Variants in GPC6 observed in about 807,000 individuals in gnomAD.
GPC6 encodes the protein glypican 6.
Under a neutral mutation model 55.2 loss-of-function variants are expected in GPC6, and 14 were observed. The observed-to-expected ratio is 0.25, with a 90% CI of 0.17 to 0.40. The LOEUF (loss-of-function observed/expected upper bound fraction) is 0.40, where lower values mean the gene tolerates loss of function less well. GPC6 is among the 10% of genes least tolerant of loss of function. The pLI, the probability that GPC6 is intolerant of heterozygous loss-of-function variation, is 1.00. For missense variants in GPC6, 641 were observed against 708.5 expected (o/e 0.90, Z 1.08); for synonymous variants, 278 against 259.6 (o/e 1.07, Z -0.68).
chr13:93,756,132 G>A (rs1378762172), intron 2 of GPC6, among the ~76,000 whole-genome samples: 1 of 152,130 alleles, frequency 6.6e-6, no homozygotes, highest in East Asian at 1.9e-4. Flanking sequence ...GTGTCCATGA[G>A]AATCATCACT....
At chr13:93,476,835 T>C (rs1879319625) in intron 1 of GPC6, among the ~76,000 whole-genome samples, 1 of 152,174 alleles carries the variant, frequency 6.6e-6, no homozygotes, top group African/African-American at 2.4e-5. Context: ...ATGATTAAAA[T>C]ATGCTATGTA....
intron 1 of GPC6, among the ~76,000 whole-genome samples, chr13:93,320,763 A>G (rs758776209): frequency 2.0e-5 from 3 of 152,154 alleles, no homozygotes; most frequent in Admixed American, 6.6e-5. Flanking sequence ...TTAAACTGCA[A>G]AAGAAAATTC....
chr13:93,580,852 T>A (rs935243927), intron 2 of GPC6, among the ~76,000 whole-genome samples: 3 of 152,174 alleles, frequency 2.0e-5, no homozygotes, highest in Admixed American at 1.3e-4. Flanking sequence ...TAAATATCAT[T>A]CCAGCCAGCA....
intron 1 of GPC6, among the ~76,000 whole-genome samples, chr13:93,496,148 T>A (rs1880265135): frequency 6.6e-6 from 1 of 152,128 alleles, no homozygotes; most frequent in Non-Finnish European, 1.5e-5. Context: ...CAGTTTGATC[T>A]CAGACTGCTG....
chr13:94,175,949 T>G (rs757341695), intron 4 of GPC6, among the ~76,000 whole-genome samples: 69 of 105,958 alleles, frequency 6.5e-4, no homozygotes, highest in South Asian at 1.2e-3. Context: ...TATATATATA[T>G]ATATATAGAG....
chr13:93,871,257 A>C (rs892822070), intron 3 of GPC6, among the ~76,000 whole-genome samples: 2 of 151,974 alleles, frequency 1.3e-5, no homozygotes, highest in Non-Finnish European at 2.9e-5. Flanking sequence ...CAAGTTTTTC[A>C]ACTACAGAGT....
intron 6 of GPC6, among the ~76,000 whole-genome samples, chr13:94,339,315 C>T (rs912789694): frequency 4.6e-5 from 7 of 152,160 alleles, no homozygotes; most frequent in Non-Finnish European, 8.8e-5. Context: ...TTGCCTGCCT[C>T]CGCCTCCCAA....
intron 1 of GPC6, among the ~76,000 whole-genome samples, chr13:93,510,971 G>GTATATATATATATGTATATATATA (rs1555306602): frequency 1.4e-5 from 1 of 69,806 alleles, no homozygotes; most frequent in African/African-American, 4.9e-5. Flanking sequence ...ATATATATAT[G>GTATATATATATATGTATATATATA]TGTATATATA....
At chr13:93,786,942 C>T (rs949452822) in intron 2 of GPC6, among the ~76,000 whole-genome samples, 29 of 152,290 alleles carry the variant, frequency 1.9e-4, no homozygotes, top group African/African-American at 6.7e-4. Context: ...GCAATTTGGG[C>T]TGGAGCCAGC....
intron 1 of GPC6, among the ~76,000 whole-genome samples, chr13:93,475,745 A>C (rs534919591): frequency 1.3e-5 from 2 of 152,356 alleles, no homozygotes; most frequent in East Asian, 3.9e-4. Context: ...AATGCTTTTA[A>C]CATTACTAGA....
At chr13:93,940,970 T>G (rs1878706318) in intron 3 of GPC6, among the ~76,000 whole-genome samples, 1 of 152,218 alleles carries the variant, frequency 6.6e-6, no homozygotes, top group South Asian at 2.1e-4. Flanking sequence ...TGTTTGTAAT[T>G]TTCTAAAATC....
intron 6 of GPC6, among the ~76,000 whole-genome samples, chr13:94,326,920 A>G (rs1377881963): frequency 6.6e-6 from 1 of 152,240 alleles, no homozygotes; most frequent in African/African-American, 2.4e-5. Context: ...GAGACAATCT[A>G]TTATAGAAAT....
intron 4 of GPC6, among the ~76,000 whole-genome samples, chr13:94,276,435 T>G (rs1594122976): frequency 6.6e-6 from 1 of 151,924 alleles, no homozygotes; most frequent in African/African-American, 2.4e-5. Flanking sequence ...GCTGGCGAGG[T>G]AGGTAGGGAC....
Position 93,694,914 on chromosome 13 carries a change from T to TA in GPC6, c.320-135230dup, listed in dbSNP as rs751981529. Among the ~76,000 whole-genome samples, 71 of 149,258 alleles carry TA rather than the reference T, an allele frequency of 4.8e-4. 1 individual carries two copies. Among genetic ancestry groups the TA allele is most frequent in the Middle Eastern group, 6.8e-3 (2 of 292 alleles). On this transcript the variant is annotated intron_variant, in intron 2 of 8. Transcript: ENST00000377047. ...TCTCAATTAGCCTGTTTTGAAATAA[T>TA]AAAAAAAAAATCACACCTCTGTTCT...
intron 2 of GPC6, among the ~76,000 whole-genome samples, chr13:93,644,633 G>C (rs1038295653): frequency 1.1e-4 from 16 of 151,886 alleles, no homozygotes; most frequent in Middle Eastern, 3.2e-3. Context: ...ACTTTTTGTA[G>C]GCAGAGGAAT....
At chr13:94,037,980 A>T (rs1216220653) in intron 4 of GPC6, among the ~76,000 whole-genome samples, 1 of 151,912 alleles carries the variant, frequency 6.6e-6, no homozygotes, top group Non-Finnish European at 1.5e-5. Flanking sequence ...AATTTTAATT[A>T]ATGTAATTAA....
chr13:93,297,424 T>C (rs1303034218), intron 1 of GPC6, among the ~76,000 whole-genome samples: 1 of 152,098 alleles, frequency 6.6e-6, no homozygotes, highest in Admixed American at 6.5e-5. Flanking sequence ...AACCTGCACA[T>C]GTATCCCAGA....
At chr13:93,730,436 T>C (rs1447633558) in intron 2 of GPC6, among the ~76,000 whole-genome samples, 1 of 151,938 alleles carries the variant, frequency 6.6e-6, no homozygotes, top group Non-Finnish European at 1.5e-5. Context: ...CAAATGTCCT[T>C]GTTGCTGTTT....
chr13:93,356,598 G>A (rs1296666892), intron 1 of GPC6, among the ~76,000 whole-genome samples: 1 of 152,174 alleles, frequency 6.6e-6, no homozygotes. Flanking sequence ...TCCAGTAAAA[G>A]TCACTCTAGT....
Sources: allele counts gnomAD v4.1 joint callset (sites outside exome capture counted in the v4.1 genomes callset), GRCh38; gene constraint gnomAD v4.1.1; transcripts MANE v1.5; gene names NCBI Gene and HGNC (gene_info 2026-07-23, HGNC 2026-07-21).